PLB1: variants seen among roughly 807,000 people sequenced by gnomAD.
PLB1 encodes the protein phospholipase B1, also known as phospholipase B1, membrane-associated.
PLB1 carries 242 observed loss-of-function variants against 227.4 expected under a neutral mutation model. The ratio of observed to expected loss-of-function variants is 1.06; its 90% confidence interval spans 0.96 to 1.18. The LOEUF (loss-of-function observed/expected upper bound fraction) is 1.18. PLB1 is among the 50% of genes most tolerant of loss of function. The pLI is 0.00. For synonymous variants in PLB1, 757 were observed against 682.2 expected (o/e 1.11, Z -1.71); for missense variants, 1,858 against 1,816.3 (o/e 1.02, Z -0.42).
chr2:28,612,920 ATTTTTT>A (rs36059309), intron 43 of PLB1, among the ~76,000 whole-genome samples: 2 of 142,010 alleles, frequency 1.4e-5, no homozygotes, highest in Non-Finnish European at 1.6e-5. Flanking sequence ...GCCCAGACTA[ATTTTTT>A]TTTTTTTTAT....
chr2:28,626,562 G>A (rs1325688066), intron 51 of PLB1, 54 bp downstream of exon 51: 1 of 1,510,774 alleles, frequency 6.6e-7, no homozygotes, highest in Admixed American at 1.7e-5. Context: ...CTGACCTCTG[G>A]CAACATCCTT....
intron 8 of PLB1, among the ~76,000 whole-genome samples, chr2:28,530,566 C>G (rs1377821052): frequency 1.3e-5 from 2 of 152,174 alleles, no homozygotes; most frequent in African/African-American, 4.8e-5. Flanking sequence ...ATGCTGGGTG[C>G]CTTGGTACCA....
intron 51 of PLB1, among the ~76,000 whole-genome samples, chr2:28,627,259 C>CT (rs1687923990): frequency 1.3e-5 from 2 of 152,158 alleles, no homozygotes; most frequent in South Asian, 4.1e-4. Context: ...CCCCTCAGTT[C>CT]TCTCCCTGAC....
intron 49 of PLB1, among the ~76,000 whole-genome samples, chr2:28,624,024 A>G (rs964222112): frequency 6.6e-6 from 1 of 152,130 alleles, no homozygotes; most frequent in Non-Finnish European, 1.5e-5. Flanking sequence ...TTGAGCTCAG[A>G]GGGGTTGAGG....
intron 38 of PLB1, 36 bp from the exon 39 acceptor site, chr2:28,602,785 C>T (rs1024329294): frequency 1.3e-6 from 2 of 1,585,994 alleles, no homozygotes; most frequent in Admixed American, 1.7e-5. Flanking sequence ...GAAGAAGTGC[C>T]TGGAGCCCCC....
At chr2:28,558,678 T>A (rs1169967994) in intron 17 of PLB1, among the ~76,000 whole-genome samples, 1 of 150,148 alleles carries the variant, frequency 6.7e-6, no homozygotes, top group African/African-American at 2.5e-5. Context: ...CATATGTGCA[T>A]GGTGCATGTG....
At chr2:28,633,225 C>T (rs1280750303) in intron 56 of PLB1, 186 bp downstream of exon 56, 1 of 570,600 alleles carries the variant, frequency 1.8e-6, no homozygotes, top group African/African-American at 1.9e-5. Flanking sequence ...ATCCAACACC[C>T]TTTGAAAGTT....
intron 43 of PLB1, among the ~76,000 whole-genome samples, chr2:28,611,432 G>C (rs1685446472): frequency 6.6e-6 from 1 of 152,092 alleles, no homozygotes; most frequent in African/African-American, 2.4e-5. Flanking sequence ...TGACGTGCAG[G>C]GAGAATGCCA....
At chr2:28,581,704 A>G (rs1680042958) in intron 23 of PLB1, among the ~76,000 whole-genome samples, 1 of 152,008 alleles carries the variant, frequency 6.6e-6, no homozygotes, top group South Asian at 2.1e-4. Flanking sequence ...GCGGTGGCTC[A>G]TACCTGTAAT....
At chr2:28,536,469 A>T (rs73922149) in intron 9 of PLB1, among the ~76,000 whole-genome samples, 3,161 of 152,316 alleles carry the variant, frequency 0.021, 103 homozygotes, top group African/African-American at 0.072. Flanking sequence ...TCCCTTGTAA[A>T]CGTCTCTAGC....
intron 48 of PLB1, 109 bp downstream of exon 48, chr2:28,620,752 C>A (rs1383923000): frequency 1.9e-6 from 3 of 1,546,410 alleles, no homozygotes; most frequent in Non-Finnish European, 2.7e-6. Flanking sequence ...GGGAAGTCAG[C>A]CAGCCCTGAA....
intron 35 of PLB1, 51 bp downstream of exon 35, chr2:28,598,811 G>T: frequency 6.8e-7 from 1 of 1,465,150 alleles, no homozygotes; most frequent in Non-Finnish European, 9.6e-7. Flanking sequence ...GTGGAATGTG[G>T]ATAGTACCCT....
At chr2:28,529,666 C>T in intron 7 of PLB1, 62 bp from the exon 8 acceptor site, 3 of 1,526,242 alleles carry the variant, frequency 2.0e-6, no homozygotes, top group South Asian at 2.3e-5. Context: ...AAGGGGCAAG[C>T]TTCCAGCCCT....
intron 21 of PLB1, among the ~76,000 whole-genome samples, chr2:28,574,729 T>A (rs367815337): frequency 2.1e-4 from 32 of 152,202 alleles, no homozygotes; most frequent in African/African-American, 7.5e-4. Flanking sequence ...TGCGTCCTCA[T>A]AGCTTTGCTC....
chr2:28,548,830 C>G (rs181918982), intron 14 of PLB1, 30 bp from the exon 15 acceptor site: 1 of 1,612,468 alleles, frequency 6.2e-7, no homozygotes, highest in Admixed American at 1.7e-5. Flanking sequence ...CACAAAACTT[C>G]CCTGTTCTAA....
intron 34 of PLB1, 111 bp downstream of exon 34, chr2:28,598,159 A>C: frequency 1.1e-6 from 1 of 896,638 alleles, no homozygotes; most frequent in Admixed American, 2.5e-5. Context: ...CTTATGGCCC[A>C]GCATTTAAGT....
chr2:28,534,414 AAATAG>A (rs776156512), intron 9 of PLB1, among the ~76,000 whole-genome samples: 32 of 152,364 alleles, frequency 2.1e-4, no homozygotes, highest in Non-Finnish European at 3.1e-4. Flanking sequence ...ATTGTAAAAA[AAATAG>A]AATAGAATAA....
chr2:28,542,498 C>T (rs7570742), intron 13 of PLB1, among the ~76,000 whole-genome samples: 3,022 of 152,170 alleles, frequency 0.02, 90 homozygotes, highest in African/African-American at 0.069. Context: ...ATCAGGGCCA[C>T]ATGAGTTAAT....
intron 44 of PLB1, among the ~76,000 whole-genome samples, chr2:28,616,930 C>A (rs1402198189): frequency 1.3e-5 from 2 of 152,196 alleles, no homozygotes; most frequent in Non-Finnish European, 2.9e-5. Flanking sequence ...GACTCCTGGA[C>A]AGTCAATCTG....
Sources: gnomAD v4.1 joint callset for allele counts (sites outside exome capture counted in the v4.1 genomes callset) on GRCh38, gnomAD v4.1.1 for gene constraint, MANE v1.5 for transcripts, NCBI Gene and HGNC (gene_info 2026-07-23, HGNC 2026-07-21) for gene names.